Variants in GTF2E2 observed in about 807,000 individuals in gnomAD.
GTF2E2 encodes the protein general transcription factor IIE subunit 2, also known as transcription initiation factor IIE subunit beta.
A neutral mutation model predicts 40.5 loss-of-function variants in GTF2E2; 21 were observed. The ratio of observed to expected loss-of-function variants is 0.52; its 90% CI spans 0.37 to 0.75. GTF2E2 has a LOEUF of 0.75. Ranked by LOEUF, GTF2E2 falls within the 30% of genes least tolerant of loss-of-function variation. The probability of loss-of-function intolerance (pLI) is 0.00; values close to 1 mark genes in which losing one functional copy is unlikely to be tolerated. For missense variants in GTF2E2, 298 were observed against 338.4 expected, an observed-to-expected ratio of 0.88 and a Z score of 0.94; for synonymous variants, 117 against 121.6, an observed-to-expected ratio of 0.96 and a Z score of 0.25.
chr8:30,649,945 A>T (rs981363219), intron 2 of GTF2E2, among the ~76,000 whole-genome samples: 1 of 152,232 alleles, frequency 6.6e-6, no homozygotes, highest in Non-Finnish European at 1.5e-5. Context: ...AACTGAAAAG[A>T]AAAAATTCTT....
At chr8:30,645,088 ATGTTAAAAAACAGGGTATGG>A (rs943188979) in intron 2 of GTF2E2, among the ~76,000 whole-genome samples, 1 of 152,186 alleles carries the variant, frequency 6.6e-6, no homozygotes, top group African/African-American at 2.4e-5. Flanking sequence ...CAAATAATAT[ATGTTAAAAAACAGGGTATGG>A]TTGACTAAGG....
intron 6 of GTF2E2, among the ~76,000 whole-genome samples, chr8:30,582,746 G>A (rs1406279860): frequency 6.6e-6 from 1 of 152,166 alleles, no homozygotes; most frequent in Non-Finnish European, 1.5e-5. Context: ...TAACGAGCTT[G>A]TGCCCTTCTT....
intron 3 of GTF2E2, among the ~76,000 whole-genome samples, chr8:30,618,652 G>T (rs940661016): frequency 6.6e-6 from 1 of 152,072 alleles, no homozygotes; most frequent in African/African-American, 2.4e-5. Context: ...TTACAAAAAG[G>T]CAAAATGTTT....
intron 6 of GTF2E2, chr8:30,596,797 T>C (rs965121570): frequency 6.6e-6 from 1 of 152,230 alleles, no homozygotes; most frequent in African/African-American, 2.4e-5. Context: ...GCCAGATCTT[T>C]AGTGTGTGGA....
chr8:30,620,883 T>C (rs761948645), intron 3 of GTF2E2, among the ~76,000 whole-genome samples: 3 of 151,290 alleles, frequency 2.0e-5, no homozygotes, highest in Non-Finnish European at 4.4e-5. Context: ...GAGCCAAGAC[T>C]GCGCTACTGC....
intron 6 of GTF2E2, among the ~76,000 whole-genome samples, chr8:30,606,114 A>G (rs1187502286): frequency 6.6e-6 from 1 of 152,254 alleles, no homozygotes; most frequent in Admixed American, 6.5e-5. Flanking sequence ...AGTTCACTAC[A>G]TACTTGCTTT....
At position 30,658,159 on chromosome 8, in the gene GTF2E2, GGCA is replaced by G. The variant is rs1802508460; in HGVS notation, c.-194_-192del. 3.6e-5 allele frequency: 7 copies of G among 195,694 alleles called. No individual in the cohort carries two copies. Among genetic ancestry groups the G allele is most frequent in the South Asian group, 7.2e-5 (1 of 13,804 alleles). The allele number at this position is 195,694 out of a possible 1,614,324, so 12.1% of individuals were successfully genotyped here. A position where few individuals can be genotyped will look rare whatever the true frequency, so the allele number is the denominator to read the frequency against. On this transcript the variant is annotated 5_prime_UTR_variant, in exon 1 of 8. Transcript: ENST00000355904. ...CACTGGCGGTGGCGGCGGCGGCGGC[GGCA>G]GCGGCGGTAGCTGAGGCGGCGACTG...
chr8:30,620,865 G>A (rs1182021811), intron 3 of GTF2E2, among the ~76,000 whole-genome samples: 4 of 151,820 alleles, frequency 2.6e-5, no homozygotes, highest in Non-Finnish European at 5.9e-5. Flanking sequence ...GCAGACGGAG[G>A]TTGCAATGAG....
chr8:30,598,719 G>A (rs942066775), intron 6 of GTF2E2, among the ~76,000 whole-genome samples: 3 of 152,180 alleles, frequency 2.0e-5, no homozygotes, highest in African/African-American at 4.8e-5. Flanking sequence ...ACTGGAACAC[G>A]GGTATTTTAG....
intron 6 of GTF2E2, among the ~76,000 whole-genome samples, chr8:30,602,494 A>G (rs1039910220): frequency 2.6e-5 from 4 of 152,126 alleles, no homozygotes; most frequent in East Asian, 1.9e-4. Flanking sequence ...ATCATTTGTT[A>G]TAAGAGTGTT....
chr8:30,591,398 TGCATGACCCTAAGA>T (rs1381093821), intron 6 of GTF2E2, among the ~76,000 whole-genome samples: 1 of 152,076 alleles, frequency 6.6e-6, no homozygotes, highest in Non-Finnish European at 1.5e-5. Flanking sequence ...AAGGGAGGAT[TGCATGACCCTAAGA>T]GCTTGAGGCT....
intron 3 of GTF2E2, among the ~76,000 whole-genome samples, chr8:30,619,774 TA>T (rs994991556): frequency 2.0e-4 from 31 of 152,152 alleles, no homozygotes; most frequent in African/African-American, 7.5e-4. Flanking sequence ...AACAATGATT[TA>T]TAGCCGCTGA....
At chr8:30,582,225 T>C (rs922744741) in intron 6 of GTF2E2, among the ~76,000 whole-genome samples, 1 of 152,168 alleles carries the variant, frequency 6.6e-6, no homozygotes, top group African/African-American at 2.4e-5. Context: ...GGTTTTACCA[T>C]GTTGCCTAGG....
rs772924568 is a variant in GTF2E2 at position 30,614,630 on chromosome 8, T to G, written c.344A>C (p.Gln115Pro). 6 of 1,587,386 alleles carry G rather than the reference T, an allele frequency of 3.8e-6. No individual in the cohort carries two copies. In the South Asian group the frequency reaches 6.6e-5, roughly 18 times the overall value. Residue 115 changes from glutamine to proline, a missense_variant, in exon 4 of 8, where the codon CAG (glutamine) becomes CCG (proline). By Grantham distance (76) the Gln-to-Pro change is moderately conservative. Transcript: ENST00000355904. ...ETQHLDIGLKQKQWLMTEALV... is the reference protein window; with the variant it reads ...ETQHLDIGLKPKQWLMTEALV... ...TACCTCAGTCATTAGCCATTGTTTC[T>G]GCTTGAGTCCAATATCTAAATGTTG...
At chr8:30,655,253 C>A (rs1802416774) in intron 1 of GTF2E2, among the ~76,000 whole-genome samples, 1 of 151,200 alleles carries the variant, frequency 6.6e-6, no homozygotes, top group African/African-American at 2.4e-5. Flanking sequence ...TGGTTTGAGG[C>A]AACTTCTATG....
In GTF2E2 at chr8:30,653,562, T is replaced by C; in HGVS notation, c.37A>G (p.Lys13Glu). The change falls in exon 2 of 8, where the codon AAA becomes GAA. Residue 13 changes from lysine (K) to glutamate (E), a missense_variant. Coordinates refer to ENST00000355904, the MANE Select transcript of GTF2E2 (RefSeq NM_002095.6). ...PSLLRERELF[K>E]KRALSTPVVE... ...ACAGGAGTAGAAAGAGCTCGTTTTTTGAACAGCTCCCTTTCTCTCAACAGG... is the reference window on the plus strand; with the variant it reads ...ACAGGAGTAGAAAGAGCTCGTTTTTCGAACAGCTCCCTTTCTCTCAACAGG... The C allele has an allele frequency of 6.2e-7, 1 of 1,613,496 alleles. No individual in the cohort carries two copies. Among genetic ancestry groups the C allele is most frequent in the South Asian group, 1.1e-5 (1 of 91,010 alleles).
At chr8:30,629,457 C>T (rs982598642) in intron 3 of GTF2E2, among the ~76,000 whole-genome samples, 26 of 152,016 alleles carry the variant, frequency 1.7e-4, no homozygotes, top group African/African-American at 6.3e-4. Context: ...GAGGCTGAGA[C>T]GGGCAGATCA....
At chr8:30,622,825 C>T (rs577540943) in intron 3 of GTF2E2, among the ~76,000 whole-genome samples, 9 of 152,170 alleles carry the variant, frequency 5.9e-5, no homozygotes, top group African/African-American at 9.6e-5. Context: ...CTGTTCCACC[C>T]GGCTCACCGG....
intron 1 of GTF2E2, 107 bp downstream of exon 1, chr8:30,657,866 T>G (rs1802492529): frequency 6.6e-6 from 1 of 152,210 alleles, no homozygotes; most frequent in Non-Finnish European, 1.5e-5. Flanking sequence ...CAGCTTCCCG[T>G]GAGGTGGAGG....
Sources: gnomAD v4.1 joint callset for allele counts (sites outside exome capture counted in the v4.1 genomes callset) on GRCh38, gnomAD v4.1.1 for gene constraint, MANE v1.5 for transcripts, NCBI Gene and HGNC (gene_info 2026-07-23, HGNC 2026-07-21) for gene names.